SYNE2: variants seen among roughly 807,000 people sequenced by gnomAD.
The protein encoded by SYNE2 is nesprin-2.
SYNE2 carries 431 observed loss-of-function variants against 856.3 expected under a neutral mutation model. The observed-to-expected ratio is 0.50, with a 90% CI of 0.47 to 0.55. The LOEUF (loss-of-function observed/expected upper bound fraction) is 0.55, where lower values mean the gene tolerates loss of function less well. Among genes scored for constraint, SYNE2 ranks in the 20% least tolerant of loss-of-function variants. The probability of loss-of-function intolerance (pLI) is 0.00; values close to 1 mark genes in which losing one functional copy is unlikely to be tolerated. For synonymous variants in SYNE2, 2,923 were observed against 2,872.3 expected (o/e 1.02, Z -0.56); for missense variants, 8,129 against 8,023.2 (o/e 1.01, Z -0.50).
At chr14:64,161,883 T>C (rs962193977) in intron 87 of SYNE2, among the ~76,000 whole-genome samples, 189 bp from the exon 88 acceptor site, 5 of 152,238 alleles carry the variant, frequency 3.3e-5, no homozygotes, top group South Asian at 4.1e-4. Flanking sequence ...GTCAAGTAAA[T>C]AGCCTAATTT....
At chr14:63,970,412 C>G (rs541304431) in intron 11 of SYNE2, among the ~76,000 whole-genome samples, 1 of 152,102 alleles carries the variant, frequency 6.6e-6, no homozygotes, top group Non-Finnish European at 1.5e-5. Context: ...TGGTCATGAA[C>G]TCCTGGCTTC....
At chr14:63,785,430 T>C (rs2139750600) in intron 1 of SYNE2, among the ~76,000 whole-genome samples, 1 of 152,100 alleles carries the variant, frequency 6.6e-6, no homozygotes, top group African/African-American at 2.4e-5. Context: ...TGCACTCCAG[T>C]CTGGGTGACA....
In SYNE2 at chr14:64,113,207, T is replaced by G. The variant is rs565130021; in HGVS notation, c.12610-134T>G. On this transcript the variant is annotated intron_variant, in intron 65 of 115. Coordinates refer to ENST00000555002, the MANE Select transcript of SYNE2 (RefSeq NM_182914.3). ...TGTTGCTATGAGTGTGGAGGTGCATTTCTCTTTTCTTTCTTCCTTCTTCTG... is the reference window on the plus strand; with the variant it reads ...TGTTGCTATGAGTGTGGAGGTGCATGTCTCTTTTCTTTCTTCCTTCTTCTG... The G allele has an allele frequency of 1.3e-4, 191 of 1,527,384 alleles. No homozygotes were observed. In the African/African-American group the frequency reaches 2.5e-3, roughly 20 times the overall value. The allele number at this position is 1,527,384 out of a possible 1,614,324, so 94.6% of individuals were successfully genotyped here.
chr14:64,219,429 G>A lies in SYNE2; in HGVS notation c.19860+19G>A, dbSNP rs1436329334. On this transcript the variant is annotated intron_variant, in intron 110 of 115. Transcript: ENST00000555002. ...ACTGCAGGTGAGTTAGAGGTGTGGT[G>A]GGGAAGAGGGATTCAGAATGTGCAT... 6.2e-7 allele frequency: 1 copy of A among 1,611,824 alleles called. No individual in the cohort carries two copies. Among genetic ancestry groups the A allele is most frequent in the East Asian group, 2.2e-5 (1 of 44,870 alleles).
intron 82 of SYNE2, 95 bp downstream of exon 82, chr14:64,142,183 C>G (rs2098143653): frequency 2.1e-6 from 3 of 1,439,356 alleles, no homozygotes; most frequent in Admixed American, 3.7e-5. Flanking sequence ...GATATAATTT[C>G]AAAAAACTAA....
chr14:64,056,357 A>C, intron 49 of SYNE2, 91 bp downstream of exon 49: 1 of 1,259,338 alleles, frequency 7.9e-7, no homozygotes. Context: ...AAGAACATAA[A>C]ATATAGGTTT....
chr14:64,219,460 C>G (rs183922729), intron 110 of SYNE2, 50 bp downstream of exon 110: 42 of 1,575,638 alleles, frequency 2.7e-5, no homozygotes, highest in Non-Finnish European at 3.2e-5. Context: ...TGCATGTGAA[C>G]GCATTGCTAT....
intron 45 of SYNE2, among the ~76,000 whole-genome samples, chr14:64,035,798 C>T (rs1165572656): frequency 1.3e-5 from 2 of 151,842 alleles, no homozygotes; most frequent in Non-Finnish European, 2.9e-5. Flanking sequence ...AACCCTAAGC[C>T]ATCCTCCTGC....
intron 70 of SYNE2, among the ~76,000 whole-genome samples, chr14:64,123,190 A>G (rs948797929): frequency 2.0e-5 from 3 of 152,102 alleles, no homozygotes; most frequent in African/African-American, 7.2e-5. Context: ...CCATGTGCCA[A>G]CGCCTGTGCC....
chr14:64,118,729 C>T (rs1335738339), intron 66 of SYNE2, among the ~76,000 whole-genome samples: 1 of 151,846 alleles, frequency 6.6e-6, no homozygotes, highest in Non-Finnish European at 1.5e-5. Flanking sequence ...GGCGTGGTGG[C>T]GCACTCTTGT....
In SYNE2 at chr14:64,150,516, C is replaced by T. The variant is rs1192136653; in HGVS notation, c.15640-2048C>T. On this transcript the variant is annotated intron_variant, in intron 84 of 115. Transcript: ENST00000555002. ...GATTACAGGCGTGAGCCACTGTGCC[C>T]GGCATGGCTGTTGTTTATGCTGCCA... Among the ~76,000 whole-genome samples, 10 of 151,676 alleles carry T rather than the reference C, an allele frequency of 6.6e-5. 1 individual carries two copies. In the South Asian group the frequency reaches 1.3e-3, roughly 19 times the overall value.
chr14:63,928,038 T>C (rs1297678163), intron 2 of SYNE2, among the ~76,000 whole-genome samples: 4 of 151,438 alleles, frequency 2.6e-5, no homozygotes, highest in African/African-American at 7.3e-5. Context: ...TGGACTAATA[T>C]ACCATCTCTA....
At chr14:63,992,767 G>C (rs1049774925) in intron 21 of SYNE2, among the ~76,000 whole-genome samples, 1 of 152,192 alleles carries the variant, frequency 6.6e-6, no homozygotes, top group Non-Finnish European at 1.5e-5. Flanking sequence ...GGAGCTCCCA[G>C]CTATGAATAG....
At chr14:64,042,196 C>T (rs1211365352) in intron 45 of SYNE2, among the ~76,000 whole-genome samples, 1 of 152,160 alleles carries the variant, frequency 6.6e-6, no homozygotes, top group Non-Finnish European at 1.5e-5. Flanking sequence ...TCCAAACCTA[C>T]TGCTGAGTGG....
At chr14:63,860,877 C>T (rs1893395195) in intron 1 of SYNE2, among the ~76,000 whole-genome samples, 1 of 152,162 alleles carries the variant, frequency 6.6e-6, no homozygotes, top group Non-Finnish European at 1.5e-5. Context: ...AATTGGTAGT[C>T]ACTGCAGTGG....
chr14:64,078,079 G>A (rs1443453708), intron 54 of SYNE2, among the ~76,000 whole-genome samples: 1 of 152,018 alleles, frequency 6.6e-6, no homozygotes, highest in African/African-American at 2.4e-5. Context: ...CTCATAAAAT[G>A]GAAAGATTGT....
chr14:64,087,474 T>C, intron 57 of SYNE2, 197 bp from the exon 58 acceptor site: 2 of 747,592 alleles, frequency 2.7e-6, no homozygotes, highest in South Asian at 1.4e-5. Context: ...TCTTATTATG[T>C]TACAGTTATA....
intron 97 of SYNE2, among the ~76,000 whole-genome samples, 157 bp downstream of exon 97, chr14:64,186,736 G>A (rs1026300046): frequency 2.0e-5 from 3 of 152,226 alleles, no homozygotes; most frequent in South Asian, 2.1e-4. Flanking sequence ...GCAGCAACAG[G>A]TTTAACAGAT....
chr14:64,214,497 G>C, intron 106 of SYNE2, 27 bp downstream of exon 106: 1 of 1,597,144 alleles, frequency 6.3e-7, no homozygotes, highest in Non-Finnish European at 8.5e-7. Context: ...CAGCACCCTG[G>C]AAAGTGACCC....
Sources: allele counts gnomAD v4.1 joint callset (sites outside exome capture counted in the v4.1 genomes callset), GRCh38; gene constraint gnomAD v4.1.1; transcripts MANE v1.5; gene names NCBI Gene and HGNC (gene_info 2026-07-23, HGNC 2026-07-21).